Variants in SDR16C5 observed in about 807,000 individuals in gnomAD.
The protein encoded by SDR16C5 is short chain dehydrogenase/reductase family 16C member 5.
A neutral mutation model predicts 27.7 loss-of-function variants in SDR16C5; 20 were observed. That is an observed-to-expected ratio of 0.72 (90% CI 0.51 to 1.05). The LOEUF (loss-of-function observed/expected upper bound fraction) is 1.05, where lower values mean the gene tolerates loss of function less well. SDR16C5 is among the 50% of genes least tolerant of loss of function. SDR16C5 has a pLI of 0.00. For synonymous variants in SDR16C5, 139 were observed against 132.3 expected, an observed-to-expected ratio of 1.05 and a Z score of -0.35; for missense variants, 374 against 366.3, an observed-to-expected ratio of 1.02 and a Z score of -0.17.
intron 2 of SDR16C5, among the ~76,000 whole-genome samples, chr8:56,314,506 A>G (rs1815136932): frequency 6.6e-6 from 1 of 152,252 alleles, no homozygotes; most frequent in Non-Finnish European, 1.5e-5. Flanking sequence ...TCGTTTGAAC[A>G]TCAACCGGTT....
chr8:56,312,061 T>C, intron 3 of SDR16C5, 96 bp downstream of exon 3: 1 of 1,066,938 alleles, frequency 9.4e-7, no homozygotes, highest in East Asian at 2.4e-5. Context: ...GTCTCTGCTT[T>C]ACTTAGAGGC....
Position 56,305,596 on chromosome 8 carries a change from C to A in SDR16C5, c.836+1G>T. ...GAAGTAATAGAAGCTGATGTAATTA[C>A]CTTTTAAGAAACATCATGAAGTATA... On this transcript the variant is annotated splice_donor_variant, in intron 6 of 6. Coordinates refer to ENST00000303749, the MANE Select transcript of SDR16C5 (RefSeq NM_138969.4). LOFTEE classifies it high-confidence loss of function. 6.3e-7 allele frequency: 1 copy of A among 1,579,174 alleles called. No individual in the cohort carries two copies. The highest frequency in any genetic ancestry group is 8.6e-7 in the Non-Finnish European group (1 of 1,169,370).
intron 1 of SDR16C5, among the ~76,000 whole-genome samples, chr8:56,316,837 G>A (rs986131511): frequency 1.4e-4 from 22 of 152,044 alleles, no homozygotes; most frequent in Non-Finnish European, 2.2e-4. Context: ...TTGCATTCTC[G>A]TTAATTTTGC....
intron 2 of SDR16C5, among the ~76,000 whole-genome samples, chr8:56,315,546 T>C (rs1452295400): frequency 2.6e-5 from 4 of 152,204 alleles, no homozygotes; most frequent in African/African-American, 9.7e-5. Flanking sequence ...ACACCAGGTC[T>C]GTGACCGCTG....
At chr8:56,316,671 GT>G (rs1306010106) in intron 1 of SDR16C5, among the ~76,000 whole-genome samples, 1 of 152,176 alleles carries the variant, frequency 6.6e-6, no homozygotes, top group African/African-American at 2.4e-5. Flanking sequence ...AAAAGAATAA[GT>G]TCATTATTGC....
At chr8:56,308,520 T>C (rs13263968) in intron 4 of SDR16C5, among the ~76,000 whole-genome samples, 21,540 of 152,216 alleles carry the variant, frequency 0.14, 1,778 homozygotes, top group Non-Finnish European at 0.19. Flanking sequence ...TCTTGAGGTG[T>C]AGAAACTTTA....
intron 2 of SDR16C5, among the ~76,000 whole-genome samples, chr8:56,315,034 C>T (rs1004597232): frequency 1.3e-5 from 2 of 151,970 alleles, no homozygotes; most frequent in African/African-American, 2.4e-5. Flanking sequence ...CACCTGAGGT[C>T]GGGAGTTCGA....
At chr8:56,302,193 A>G (rs182640503) in intron 6 of SDR16C5, among the ~76,000 whole-genome samples, 1 of 152,294 alleles carries the variant, frequency 6.6e-6, no homozygotes, top group East Asian at 1.9e-4. Flanking sequence ...CAAGGAAACA[A>G]AGCAGGCACG....
At chr8:56,309,372 A>C (rs1814967304) in intron 3 of SDR16C5, 1 of 985,238 alleles carries the variant, frequency 1.0e-6, no homozygotes, top group Non-Finnish European at 1.2e-6. Flanking sequence ...GATGCTTTAG[A>C]TTTAGATTGC....
At chr8:56,313,325 T>C (rs923496513) in intron 2 of SDR16C5, among the ~76,000 whole-genome samples, 48 of 152,216 alleles carry the variant, frequency 3.2e-4, no homozygotes, top group African/African-American at 1.1e-3. Flanking sequence ...AGGGAATAAA[T>C]AGAGGAAAAG....
intron 4 of SDR16C5, among the ~76,000 whole-genome samples, chr8:56,308,163 C>T (rs565576600): frequency 3.3e-5 from 5 of 152,254 alleles, no homozygotes; most frequent in African/African-American, 7.2e-5. Context: ...TCTTGAACTA[C>T]GCCACTTTGC....
intron 5 of SDR16C5, among the ~76,000 whole-genome samples, chr8:56,306,381 G>A (rs1355204134): frequency 6.6e-6 from 1 of 152,192 alleles, no homozygotes; most frequent in Non-Finnish European, 1.5e-5. Flanking sequence ...GAATCAGAGA[G>A]GGAGCAGAAT....
chr8:56,301,657 C>A, intron 6 of SDR16C5, 84 bp from the exon 7 acceptor site: 1 of 999,724 alleles, frequency 1.0e-6, no homozygotes, highest in Non-Finnish European at 1.6e-6. Flanking sequence ...AGTGTCACCT[C>A]TTGTGGCAGA....
At chr8:56,312,374 A>G in intron 2 of SDR16C5, 86 bp from the exon 3 acceptor site, 7 of 1,228,554 alleles carry the variant, frequency 5.7e-6, no homozygotes, top group South Asian at 2.5e-5. Context: ...TGTTTTTTTT[A>G]TCCTGGTTAA....
At position 56,300,075 on chromosome 8, in the gene SDR16C5, T is replaced by C. The variant is rs1378393037; in HGVS notation, c.*1405A>G. 1 of 152,204 alleles carries C rather than the reference T, an allele frequency of 6.6e-6. No homozygotes were observed. Among genetic ancestry groups the C allele is most frequent in the Non-Finnish European group, 1.5e-5 (1 of 68,036 alleles). The allele number at this position is 152,204 out of a possible 1,614,324, so 9.4% of individuals were successfully genotyped here. ...CCTTCATCATTCTTTGAGTAATGATTGACAGTCTCGTTTAATGAAATAATG... is the reference window on the plus strand; with the variant it reads ...CCTTCATCATTCTTTGAGTAATGATCGACAGTCTCGTTTAATGAAATAATG... On this transcript the variant is annotated 3_prime_UTR_variant, in exon 7 of 7. Transcript: ENST00000303749.
In SDR16C5 at chr8:56,312,194, T is replaced by C. The variant is rs1225562386; in HGVS notation, c.428A>G (p.Glu143Gly). The C allele has an allele frequency of 6.2e-7, 1 of 1,613,090 alleles. No homozygotes were observed. Among genetic ancestry groups the C allele is most frequent in the Non-Finnish European group, 8.5e-7 (1 of 1,179,124 alleles). Residue 143 changes from glutamate (E) to glycine (G), a missense_variant, in exon 3 of 7, where the codon GAA (glutamate) becomes GGA (glycine). Transcript: ENST00000303749. Reference protein sequence around the residue: ...KFLDCPDELMEKSFDVNFKAH... With the variant: ...KFLDCPDELMGKSFDVNFKAH... ...TTTGAAATTCACATCAAATGACTTTTCCATAAGCTCATCTGGACAGTCAAG... is the reference window on the plus strand; with the variant it reads ...TTTGAAATTCACATCAAATGACTTTCCCATAAGCTCATCTGGACAGTCAAG...
chr8:56,319,204 G>C (rs1222163596), intron 1 of SDR16C5, among the ~76,000 whole-genome samples: 1 of 150,962 alleles, frequency 6.6e-6, no homozygotes, highest in African/African-American at 2.4e-5. Context: ...TGCAAGAGGA[G>C]CTGTTTGGAT....
chr8:56,320,039 C>CG lies in SDR16C5; in HGVS notation c.-15+19dup, dbSNP rs1358583719. 6.6e-6 allele frequency: 1 copy of CG among 152,554 alleles called. No homozygotes were observed. Among genetic ancestry groups the CG allele is most frequent in the Non-Finnish European group, 1.5e-5 (1 of 68,344 alleles). The allele number at this position is 152,554 out of a possible 1,614,324, so 9.5% of individuals were successfully genotyped here. ...TCCTCCGGGAGCCAGCACCCAGGAC[C>CG]GACGACCTCGGCAACTTACCCAGGA... On this transcript the variant is annotated intron_variant, in intron 1 of 6. Transcript: ENST00000303749.
intron 3 of SDR16C5, chr8:56,309,650 G>GTAAC: frequency 1.1e-6 from 1 of 901,628 alleles, no homozygotes; most frequent in Non-Finnish European, 1.3e-6. Flanking sequence ...CATCAAAGGA[G>GTAAC]TAACTAATCA....
Sources: allele counts gnomAD v4.1 joint callset (sites outside exome capture counted in the v4.1 genomes callset), GRCh38; gene constraint gnomAD v4.1.1; transcripts MANE v1.5; gene names NCBI Gene and HGNC (gene_info 2026-07-23, HGNC 2026-07-21).